The following USH2A variants were observed in gnomAD, a reference collection of about 807,000 sequenced individuals.
USH2A encodes Usher syndrome 2A (autosomal recessive, mild).
In USH2A, 443 loss-of-function variants were observed where a neutral mutation model predicts 538.9. The ratio of observed to expected loss-of-function variants is 0.82; its 90% confidence interval spans 0.76 to 0.89. The LOEUF (loss-of-function observed/expected upper bound fraction) is 0.89. Ranked by LOEUF, USH2A falls within the 40% of genes least tolerant of loss-of-function variation. USH2A has a pLI of 0.00. For missense variants in USH2A, 6,633 were observed against 6,324.8 expected (o/e 1.05, Z -1.65); for synonymous variants, 2,413 against 2,273.5 (o/e 1.06, Z -1.75).
intron 44 of USH2A, among the ~76,000 whole-genome samples, chr1:215,864,934 C>T (rs1055423194): frequency 2.0e-5 from 3 of 151,968 alleles, no homozygotes; most frequent in African/African-American, 7.3e-5. Context: ...TAGACAAAGA[C>T]CATGCTTTAA....
Position 215,640,799 on chromosome 1 carries a change from T to TA in USH2A, c.14792-66_14792-65insT. 3.3e-6 allele frequency: 5 copies of TA among 1,499,040 alleles called. No individual in the cohort carries two copies. The South Asian group carries it at 3.7e-5, about 11-fold the overall frequency. The allele number at this position is 1,499,040 out of a possible 1,614,324, so 92.9% of individuals were successfully genotyped here. A position where few individuals can be genotyped will look rare whatever the true frequency, so the allele number is the denominator to read the frequency against. ...CTTTGAAGGAGTGCAGGTGTGCACT[T>TA]TAAAAAAAAAAAATATGAGCAAAAT... On this transcript the variant is annotated intron_variant, in intron 67 of 71. Transcript: ENST00000307340.
chr1:216,061,128 C>T (rs964337393), intron 30 of USH2A, among the ~76,000 whole-genome samples: 10 of 152,312 alleles, frequency 6.6e-5, no homozygotes, highest in South Asian at 4.1e-4. Flanking sequence ...TGCTCCTGAG[C>T]GGGCCTGTTA....
chr1:215,801,560 C>G (rs79311514), intron 49 of USH2A, among the ~76,000 whole-genome samples: 2,342 of 151,868 alleles, frequency 0.015, 53 homozygotes, highest in African/African-American at 0.053. Flanking sequence ...AAAAGAAAGA[C>G]TTAAGAATGA....
rs546005688 is a variant in USH2A at position 216,422,722 on chromosome 1, G to T, written c.-204-182C>A. Reference sequence around the variant, plus strand: ...TTTTGGTAAATCTCTTGATTGCATTGGGCAAATCAAGCACTTTATAAGTCC... The same window carrying T: ...TTTTGGTAAATCTCTTGATTGCATTTGGCAAATCAAGCACTTTATAAGTCC... On this transcript the variant is annotated intron_variant, in intron 1 of 71. Transcript: ENST00000307340. Among the ~76,000 whole-genome samples, 6 of 151,958 alleles carry T rather than the reference G, an allele frequency of 3.9e-5. No individual in the cohort carries two copies. In the South Asian group the frequency reaches 1.2e-3, roughly 32 times the overall value.
chr1:216,091,291 G>GA (rs2032295587), intron 22 of USH2A, among the ~76,000 whole-genome samples: 2 of 152,090 alleles, frequency 1.3e-5, no homozygotes, highest in Admixed American at 6.5e-5. Flanking sequence ...AGTAAGCCCA[G>GA]AATATGATGT....
chr1:216,122,107 T>C (rs1571978562), intron 21 of USH2A, among the ~76,000 whole-genome samples: 2 of 152,282 alleles, frequency 1.3e-5, no homozygotes, highest in East Asian at 1.9e-4. Flanking sequence ...TTAACCTACA[T>C]AAAGTCTGCA....
chr1:216,086,774 T>C lies in USH2A; in HGVS notation c.4932A>G (p.Thr1644=), dbSNP rs2102563221. ...GCGGGAGCCCTCCCAGAAAGACTCC[T>C]GTGTTATCTCCAATAACAGTACTAC... ...LNGSTVIGDN[T]GVFLGGLPRS... Residue 1644 remains threonine, a synonymous_variant, in exon 24 of 72, where the codon ACA becomes ACG. Transcript: ENST00000307340. 1 of 1,613,080 alleles carries C rather than the reference T, an allele frequency of 6.2e-7. No individual in the cohort carries two copies. The highest frequency in any genetic ancestry group is 8.5e-7 in the Non-Finnish European group (1 of 1,179,352).
intron 10 of USH2A, among the ~76,000 whole-genome samples, chr1:216,290,402 C>A (rs545863982): frequency 6.6e-6 from 1 of 152,044 alleles, no homozygotes; most frequent in African/African-American, 2.4e-5. Context: ...AGAAATCTCT[C>A]TTTTATTTAT....
At chr1:216,222,687 A>G (rs1228594740) in intron 14 of USH2A, among the ~76,000 whole-genome samples, 1 of 152,170 alleles carries the variant, frequency 6.6e-6, no homozygotes, top group Admixed American at 6.5e-5. Flanking sequence ...GCCATGAGCT[A>G]AAGAATGTAC....
In USH2A at chr1:215,867,310, A is replaced by G. The variant is rs942924656; in HGVS notation, c.8682-140T>C. ...ATACTGTTTTCTTTTCCTCCCTAGA[A>G]AATACATTATTTTATTTTCCCTCCT... On this transcript the variant is annotated intron_variant, in intron 43 of 71. Transcript: ENST00000307340. 4 of 954,344 alleles carry G rather than the reference A, an allele frequency of 4.2e-6. No homozygotes were observed. In the African/African-American group the frequency reaches 5.0e-5, roughly 12 times the overall value. 59.1% of individuals were successfully genotyped at this position (954,344 alleles called of 1,614,324 possible).
chr1:216,022,303 TG>T (rs1283371762), intron 32 of USH2A, among the ~76,000 whole-genome samples: 4 of 151,900 alleles, frequency 2.6e-5, no homozygotes, highest in African/African-American at 9.7e-5. Context: ...ATTCTTGGCG[TG>T]GGGTTGTGGG....
At chr1:216,392,284 G>T (rs569902781) in intron 3 of USH2A, among the ~76,000 whole-genome samples, 28 of 151,896 alleles carry the variant, frequency 1.8e-4, no homozygotes, top group Non-Finnish European at 3.5e-4. Context: ...GGATCACAAG[G>T]TCAGGAAATC....
In USH2A at chr1:216,127,928, A is replaced by T. The variant is rs575305905; in HGVS notation, c.4628-30715T>A. ...GTATTCTAAGTAAAAGATGCTGATT[A>T]GAAGTCAGATGTAGCTCAGGATGAG... On this transcript the variant is annotated intron_variant, in intron 21 of 71. Coordinates refer to ENST00000307340, the MANE Select transcript of USH2A (RefSeq NM_206933.4). Among the ~76,000 whole-genome samples the T allele has an allele frequency of 3.3e-5, 5 of 152,296 alleles. No homozygotes were observed. In the South Asian group the frequency reaches 1.0e-3, roughly 32 times the overall value.
chr1:216,316,684 A>AG lies in USH2A; in HGVS notation c.1644+5198_1644+5199insC, dbSNP rs548820569. 3.3e-3 allele frequency among the ~76,000 whole-genome samples: 506 copies of AG among 152,270 alleles called. 1 individual carries two copies. The highest frequency in any genetic ancestry group is 0.01 in the Middle Eastern group (3 of 294). On this transcript the variant is annotated intron_variant, in intron 9 of 71. Transcript: ENST00000307340. ...TTAACTTTTAATAATCGCCATTCTGACTGGCATGAGCTGGTATCTCATTGT... is the reference window on the plus strand; with the variant it reads ...TTAACTTTTAATAATCGCCATTCTGAGCTGGCATGAGCTGGTATCTCATTGT...
intron 40 of USH2A, among the ~76,000 whole-genome samples, chr1:215,894,587 C>T (rs925456444): frequency 6.6e-6 from 1 of 152,080 alleles, no homozygotes; most frequent in African/African-American, 2.4e-5. Flanking sequence ...CCCTTCATTC[C>T]GAATAGCACA....
chr1:215,966,150 G>A (rs575041825), intron 36 of USH2A, among the ~76,000 whole-genome samples: 1 of 152,128 alleles, frequency 6.6e-6, no homozygotes, highest in Admixed American at 6.6e-5. Flanking sequence ...GCAGAAAAGA[G>A]CAAAAGATGA....
At chr1:216,278,995 G>C (rs915705382) in intron 11 of USH2A, among the ~76,000 whole-genome samples, 2 of 151,972 alleles carry the variant, frequency 1.3e-5, no homozygotes, top group African/African-American at 4.8e-5. Context: ...ATCTTCCATA[G>C]GTCAGACCTA....
At position 216,270,808 on chromosome 1, in the gene USH2A, T is replaced by C. The variant is rs573477911; in HGVS notation, c.1971+18472A>G. Among the ~76,000 whole-genome samples, 9 of 151,960 alleles carry C rather than the reference T, an allele frequency of 5.9e-5. No individual in the cohort carries two copies. The East Asian group carries it at 1.8e-3, about 30-fold the overall frequency. On this transcript the variant is annotated intron_variant, in intron 11 of 71. Transcript: ENST00000307340. ...TACCATAAACTCAAACTCTTGGCCTTAAGCAGTCCTCTCGCCTCAGCCTCC... is the reference window on the plus strand; with the variant it reads ...TACCATAAACTCAAACTCTTGGCCTCAAGCAGTCCTCTCGCCTCAGCCTCC...
At chr1:216,069,583 G>A (rs1040253671) in intron 30 of USH2A, among the ~76,000 whole-genome samples, 1 of 152,082 alleles carries the variant, frequency 6.6e-6, no homozygotes, top group Admixed American at 6.6e-5. Flanking sequence ...GTGTGTATGA[G>A]TATATTTCAT....
Sources: allele counts gnomAD v4.1 joint callset (sites outside exome capture counted in the v4.1 genomes callset), GRCh38; gene constraint gnomAD v4.1.1; transcripts MANE v1.5; gene names NCBI Gene and HGNC (gene_info 2026-07-23, HGNC 2026-07-21).